B3GALNT1: variants seen among roughly 807,000 people sequenced by gnomAD.
B3GALNT1 encodes the protein beta-1,3-N-acetylgalactosaminyltransferase 1 (Globoside blood group), also known as UDP-GalNAc:beta-1,3-N-acetylgalactosaminyltransferase 1.
In B3GALNT1, 17 loss-of-function variants were observed where a neutral mutation model predicts 27.3. The ratio of observed to expected loss-of-function variants is 0.62; its 90% CI spans 0.43 to 0.94. The LOEUF (loss-of-function observed/expected upper bound fraction) is 0.94, where lower values mean the gene tolerates loss of function less well. B3GALNT1 is among the 40% of genes least tolerant of loss of function. The probability of loss-of-function intolerance (pLI) is 0.00; values close to 1 mark genes in which losing one functional copy is unlikely to be tolerated. For missense variants in B3GALNT1, 347 were observed against 390.0 expected (o/e 0.89, Z 0.93); for synonymous variants, 141 against 144.0 (o/e 0.98, Z 0.15).
At position 161,086,299 on chromosome 3, in the gene B3GALNT1, A is replaced by G. The variant is rs375737673; in HGVS notation, c.456T>C (p.Tyr152=). ...TAATGGTTTTCAAGGTCAGGTTATTATATGTGTCTAAAAAATCTTGTCGGA... is the reference window on the plus strand; with the variant it reads ...TAATGGTTTTCAAGGTCAGGTTATTGTATGTGTCTAAAAAATCTTGTCGGA... ...DIIRQDFLDT[Y]NNLTLKTIMA... Residue 152 remains tyrosine, a synonymous_variant, in exon 5 of 5, where the codon TAT becomes TAC. Transcript: ENST00000320474. The G allele has an allele frequency of 8.7e-6, 14 of 1,614,064 alleles. No individual in the cohort carries two copies. In the African/African-American group the frequency reaches 1.5e-4, roughly 17 times the overall value.
chr3:161,084,002 C>A lies in B3GALNT1; in HGVS notation c.*1757G>T, dbSNP rs1720586197. 6.6e-6 allele frequency: 1 copy of A among 152,140 alleles called. No individual in the cohort carries two copies. Among genetic ancestry groups the A allele is most frequent in the Non-Finnish European group, 1.5e-5 (1 of 68,034 alleles). 9.4% of individuals were successfully genotyped at this position (152,140 alleles called of 1,614,324 possible). A position where few individuals can be genotyped will look rare whatever the true frequency, so the allele number is the denominator to read the frequency against. On this transcript the variant is annotated 3_prime_UTR_variant, in exon 5 of 5. Transcript: ENST00000320474. Reference sequence around the variant, plus strand: ...GGCAGTGTAGTAGGTTTGTTTACACCAGCATCTCCACAGACACGTGAGTAA... The same window carrying A: ...GGCAGTGTAGTAGGTTTGTTTACACAAGCATCTCCACAGACACGTGAGTAA...
In B3GALNT1 at chr3:161,101,122, A is replaced by C. The variant is rs907601040; in HGVS notation, c.-35+17T>G. On this transcript the variant is annotated intron_variant, in intron 4 of 4. Coordinates refer to ENST00000320474, the MANE Select transcript of B3GALNT1 (RefSeq NM_003781.4). ...TTCCTGGGCAGGGAGCAAAGAATGC[A>C]GCAGAAGCAGACACACCTTTACACT... 2.3e-6 allele frequency: 3 copies of C among 1,287,292 alleles called. No individual in the cohort carries two copies. The highest frequency in any genetic ancestry group is 3.0e-6 in the Non-Finnish European group (3 of 986,744). The allele number at this position is 1,287,292 out of a possible 1,614,324, so 79.7% of individuals were successfully genotyped here. A position where few individuals can be genotyped will look rare whatever the true frequency, so the allele number is the denominator to read the frequency against.
chr3:161,101,032 C>T (rs879375728), intron 4 of B3GALNT1, 107 bp downstream of exon 4: 30 of 804,212 alleles, frequency 3.7e-5, no homozygotes, highest in Non-Finnish European at 4.7e-5. Flanking sequence ...TGCCAAGCTC[C>T]TTCTGCCAGG....
rs1721282707 is a variant in B3GALNT1, at chr3:161,085,698, A to C, written c.*61T>G. 1 of 1,585,546 alleles carries C rather than the reference A, an allele frequency of 6.3e-7. No individual in the cohort carries two copies. The highest frequency in any genetic ancestry group is 1.3e-5 in the African/African-American group (1 of 74,236). ...TCCCCATGAATTTTCCACAGTACCTACTTTATTTAACACTTTCCACAAAGT... is the reference window on the plus strand; with the variant it reads ...TCCCCATGAATTTTCCACAGTACCTCCTTTATTTAACACTTTCCACAAAGT... On this transcript the variant is annotated 3_prime_UTR_variant, in exon 5 of 5. Coordinates refer to ENST00000320474, the MANE Select transcript of B3GALNT1 (RefSeq NM_003781.4).
chr3:161,085,952 A>G lies in B3GALNT1; in HGVS notation c.803T>C (p.Val268Ala). ...TAAATTCAAACAGATCCCGACATAA[A>G]CATCTTCAAACTTGATGGGTTTTAC... Reference protein sequence around the residue: ...GHVKPIKFEDVYVGICLNLLK... With the variant: ...GHVKPIKFEDAYVGICLNLLK... Residue 268 changes from valine to alanine, a missense_variant, in exon 5 of 5, where the codon GTT becomes GCT. Coordinates refer to ENST00000320474, the MANE Select transcript of B3GALNT1 (RefSeq NM_003781.4). The G allele has an allele frequency of 6.2e-7, 1 of 1,602,544 alleles. No individual in the cohort carries two copies. Among genetic ancestry groups the G allele is most frequent in the African/African-American group, 1.3e-5 (1 of 74,412 alleles).
rs199813560 is a variant in B3GALNT1 at position 161,086,671 on chromosome 3, C to T, written c.84G>A (p.Leu28=). 2.0e-5 allele frequency: 33 copies of T among 1,614,042 alleles called. No individual in the cohort carries two copies. The highest frequency in any genetic ancestry group is 2.8e-5 in the Non-Finnish European group (33 of 1,180,040). Residue 28 remains leucine, a synonymous_variant, in exon 5 of 5, where the codon CTG becomes CTA. Coordinates refer to ENST00000320474, the MANE Select transcript of B3GALNT1 (RefSeq NM_003781.4). The part of the protein sequence containing the change: ...LKWSLLLLSL[L]SFFVMWYLSL... ...TGAGGTACCACATCACAAAGAAACTCAGGAGTGACAGCAGCAGGAGGCTCC... is the reference window on the plus strand; with the variant it reads ...TGAGGTACCACATCACAAAGAAACTTAGGAGTGACAGCAGCAGGAGGCTCC...
At chr3:161,101,117 A>G (rs1299752502) in intron 4 of B3GALNT1, 22 bp downstream of exon 4, 1 of 1,285,314 alleles carries the variant, frequency 7.8e-7, no homozygotes, top group African/African-American at 1.5e-5. Context: ...GGGAGCAAAG[A>G]ATGCAGCAGA....
At chr3:161,090,639 G>A (rs1371623945) in intron 4 of B3GALNT1, among the ~76,000 whole-genome samples, 1 of 151,746 alleles carries the variant, frequency 6.6e-6, no homozygotes, top group African/African-American at 2.4e-5. Context: ...AAGGTGGGTG[G>A]ATCACGAGGT....
chr3:161,086,841 CAA>C, intron 4 of B3GALNT1, 53 bp from the exon 5 acceptor site: 1 of 1,523,434 alleles, frequency 6.6e-7, no homozygotes, highest in Admixed American at 1.9e-5. Context: ...AACACATTTT[CAA>C]AAGACATCTG....
At chr3:161,101,822 T>C (rs1731445280) in intron 3 of B3GALNT1, among the ~76,000 whole-genome samples, 1 of 152,176 alleles carries the variant, frequency 6.6e-6, no homozygotes, top group African/African-American at 2.4e-5. Flanking sequence ...TAATTTTTTA[T>C]CTTAGAAAGT....
chr3:161,092,763 CTTTTT>C (rs33946641), intron 4 of B3GALNT1, among the ~76,000 whole-genome samples: 22 of 104,838 alleles, frequency 2.1e-4, no homozygotes, highest in Admixed American at 7.8e-4. Context: ...TTTCATTTTT[CTTTTT>C]TTTTTTTTTT....
At chr3:161,088,381 G>A (rs527951817) in intron 4 of B3GALNT1, among the ~76,000 whole-genome samples, 1 of 152,218 alleles carries the variant, frequency 6.6e-6, no homozygotes, top group East Asian at 1.9e-4. Flanking sequence ...GACCTTGTTG[G>A]CAAAAACAAT....
intron 4 of B3GALNT1, among the ~76,000 whole-genome samples, chr3:161,097,165 T>C (rs1386816794): frequency 1.3e-5 from 2 of 152,232 alleles, no homozygotes; most frequent in Non-Finnish European, 2.9e-5. Context: ...TTGAGCAAAT[T>C]ACTCAACCTT....
chr3:161,096,144 T>C (rs1450173467), intron 4 of B3GALNT1, among the ~76,000 whole-genome samples: 2 of 152,264 alleles, frequency 1.3e-5, no homozygotes, highest in Non-Finnish European at 2.9e-5. Flanking sequence ...AATATTTGCA[T>C]ACTTTGCAAA....
intron 4 of B3GALNT1, among the ~76,000 whole-genome samples, chr3:161,095,727 G>T (rs192951713): frequency 6.6e-6 from 1 of 152,370 alleles, no homozygotes; most frequent in African/African-American, 2.4e-5. Flanking sequence ...AAGGCTGGGG[G>T]CAGCAGGAGC....
chr3:161,102,565 T>A (rs1207729918), intron 3 of B3GALNT1, among the ~76,000 whole-genome samples: 1 of 152,162 alleles, frequency 6.6e-6, no homozygotes, highest in African/African-American at 2.4e-5. Flanking sequence ...AATATACAAT[T>A]TTTTATTAGT....
intron 3 of B3GALNT1, among the ~76,000 whole-genome samples, chr3:161,101,554 T>G (rs138065889): frequency 6.6e-6 from 1 of 152,144 alleles, no homozygotes; most frequent in Non-Finnish European, 1.5e-5. Flanking sequence ...TGTCCTCAAG[T>G]TGCCGACACT....
intron 2 of B3GALNT1, among the ~76,000 whole-genome samples, chr3:161,103,780 T>C (rs1449678301): frequency 6.6e-6 from 1 of 152,174 alleles, no homozygotes; most frequent in Non-Finnish European, 1.5e-5. Context: ...CAGGCTGGAG[T>C]GCAATGGCAC....
At position 161,086,553 on chromosome 3, in the gene B3GALNT1, G is replaced by C; in HGVS notation, c.202C>G (p.Arg68Gly). The change falls in exon 5 of 5, where the codon CGA becomes GGA. Residue 68 changes from arginine (R) to glycine (G), a missense_variant. By Grantham distance (125) the Arg-to-Gly change is moderately radical. Transcript: ENST00000320474. The part of the protein sequence containing the change: ...IYRQDFHFTL[R>G]EHSNCSHQNP... ...TGATGAGAGCAGTTTGAATGCTCTC[G>C]AAGTGTGAAGTGAAAGTCTTGTCTG... The C allele has an allele frequency of 6.2e-7, 1 of 1,614,172 alleles. No individual in the cohort carries two copies. Among genetic ancestry groups the C allele is most frequent in the Non-Finnish European group, 8.5e-7 (1 of 1,180,040 alleles).
Sources: gnomAD v4.1 joint callset for allele counts (sites outside exome capture counted in the v4.1 genomes callset) on GRCh38, gnomAD v4.1.1 for gene constraint, MANE v1.5 for transcripts, NCBI Gene and HGNC (gene_info 2026-07-23, HGNC 2026-07-21) for gene names.